The following MDGA2 variants were observed in gnomAD, a reference collection of about 807,000 sequenced individuals.
MDGA2 encodes the protein MAM domain containing glycosylphosphatidylinositol anchor 2, also known as MAM domain-containing glycosylphosphatidylinositol anchor protein 2.
MDGA2 carries 40 observed loss-of-function variants against 117.8 expected under a neutral mutation model. The ratio of observed to expected loss-of-function variants is 0.34; its 90% CI spans 0.26 to 0.44. The LOEUF is 0.44. Among genes scored for constraint, MDGA2 ranks in the 20% least tolerant of loss-of-function variants. The pLI is 1.00. For missense variants in MDGA2, 1,123 were observed against 1,250.6 expected, an observed-to-expected ratio of 0.90 and a Z score of 1.54; for synonymous variants, 452 against 439.0, an observed-to-expected ratio of 1.03 and a Z score of -0.37.
rs532906158 is a variant in MDGA2, at chr14:47,029,764, A to G, written c.1819+5247T>C. Reference sequence around the variant, plus strand: ...ATAAGTGTAAGTATACTTATATAATACAGATATAAAAACAATACTTTCTTT... The same window carrying G: ...ATAAGTGTAAGTATACTTATATAATGCAGATATAAAAACAATACTTTCTTT... On this transcript the variant is annotated intron_variant, in intron 8 of 16. Coordinates refer to ENST00000399232, the MANE Select transcript of MDGA2 (RefSeq NM_001113498.3). Among the ~76,000 whole-genome samples the G allele has an allele frequency of 4.6e-5, 7 of 152,296 alleles. No homozygotes were observed. In the South Asian group the frequency reaches 6.2e-4, roughly 14 times the overall value.
At chr14:47,102,394 AACAC>A (rs1280534726) in intron 5 of MDGA2, among the ~76,000 whole-genome samples, 3 of 128,516 alleles carry the variant, frequency 2.3e-5, no homozygotes, top group Admixed American at 1.6e-4. Flanking sequence ...CACACACACA[AACAC>A]ACACACACAC....
chr14:47,519,874 A>C (rs1894834160), intron 1 of MDGA2, among the ~76,000 whole-genome samples: 1 of 152,214 alleles, frequency 6.6e-6, no homozygotes, highest in Non-Finnish European at 1.5e-5. Context: ...CCCCCATCTC[A>C]GTATTACTTC....
chr14:47,397,123 C>A (rs1892028818), intron 1 of MDGA2, among the ~76,000 whole-genome samples: 1 of 152,136 alleles, frequency 6.6e-6, no homozygotes. Context: ...AAATGTGGCA[C>A]ATATTCACCA....
intron 1 of MDGA2, among the ~76,000 whole-genome samples, chr14:47,597,883 CAA>C (rs1491171121): frequency 2.9e-5 from 4 of 138,052 alleles, no homozygotes; most frequent in African/African-American, 8.2e-5. Flanking sequence ...CACACACACA[CAA>C]AACACAGAGT....
At chr14:47,401,647 C>A (rs1892151745) in intron 1 of MDGA2, among the ~76,000 whole-genome samples, 1 of 152,146 alleles carries the variant, frequency 6.6e-6, no homozygotes, top group Non-Finnish European at 1.5e-5. Context: ...AATTACTGGC[C>A]AACCCATAGC....
At chr14:46,949,609 T>G (rs1566540914) in intron 9 of MDGA2, among the ~76,000 whole-genome samples, 1 of 152,052 alleles carries the variant, frequency 6.6e-6, no homozygotes, top group Non-Finnish European at 1.5e-5. Context: ...ACACTGAGTT[T>G]TGATTTTCTG....
At chr14:47,166,671 T>G (rs2139300408) in intron 3 of MDGA2, among the ~76,000 whole-genome samples, 1 of 152,242 alleles carries the variant, frequency 6.6e-6, no homozygotes, top group East Asian at 1.9e-4. Flanking sequence ...TCTACAAAGC[T>G]TGAAGGAATA....
chr14:47,292,170 C>T (rs1404954465), intron 2 of MDGA2, among the ~76,000 whole-genome samples: 1 of 152,146 alleles, frequency 6.6e-6, no homozygotes, highest in East Asian at 1.9e-4. Context: ...TGAATAGATG[C>T]ATGATGGAGA....
In MDGA2 at chr14:47,042,020, T is replaced by C. The variant is rs539892092; in HGVS notation, c.1526-6716A>G. ...AATATAATTTTCTTCCAAAAGACAATCAGACTCATATTTCCAAGAATCTTA... is the reference window on the plus strand; with the variant it reads ...AATATAATTTTCTTCCAAAAGACAACCAGACTCATATTTCCAAGAATCTTA... On this transcript the variant is annotated intron_variant, in intron 7 of 16. Coordinates refer to ENST00000399232, the MANE Select transcript of MDGA2 (RefSeq NM_001113498.3). 2.0e-5 allele frequency among the ~76,000 whole-genome samples: 3 copies of C among 152,184 alleles called. No individual in the cohort carries two copies. In the South Asian group the frequency reaches 6.2e-4, roughly 32 times the overall value.
intron 1 of MDGA2, among the ~76,000 whole-genome samples, chr14:47,560,030 T>C (rs941991894): frequency 1.3e-5 from 2 of 152,046 alleles, no homozygotes. Context: ...TGAATAAGTG[T>C]TCCCTTTTCT....
chr14:47,177,040 C>G (rs1040158305), intron 3 of MDGA2, among the ~76,000 whole-genome samples: 3 of 151,444 alleles, frequency 2.0e-5, no homozygotes, highest in Non-Finnish European at 4.4e-5. Flanking sequence ...AGCCAAAAAA[C>G]ACATGAAAAA....
intron 2 of MDGA2, among the ~76,000 whole-genome samples, chr14:47,260,939 T>C (rs890756616): frequency 6.6e-6 from 1 of 152,084 alleles, no homozygotes; most frequent in Non-Finnish European, 1.5e-5. Context: ...GGCTTTAATA[T>C]CAGTTACTAT....
chr14:47,439,021 A>G (rs770595926), intron 1 of MDGA2, among the ~76,000 whole-genome samples: 21 of 152,130 alleles, frequency 1.4e-4, no homozygotes, highest in African/African-American at 4.8e-5. Flanking sequence ...TCACTAGCAA[A>G]TAATCTGCAG....
rs1226420098 is a variant in MDGA2 at position 47,626,650 on chromosome 14, A to C, written c.280+47867T>G. 3 of 152,624 alleles carry C rather than the reference A, an allele frequency of 2.0e-5. No homozygotes were observed. In the East Asian group the frequency reaches 5.8e-4, roughly 29 times the overall value. 9.5% of individuals were successfully genotyped at this position (152,624 alleles called of 1,614,324 possible). On this transcript the variant is annotated intron_variant, in intron 1 of 16. Coordinates refer to ENST00000399232, the MANE Select transcript of MDGA2 (RefSeq NM_001113498.3). Reference sequence around the variant, plus strand: ...TGGCCTTGGCGGGCCCCGCACTGGGAGCGGCCGGCCAGCCCCGTCGGCCCG... The same window carrying C: ...TGGCCTTGGCGGGCCCCGCACTGGGCGCGGCCGGCCAGCCCCGTCGGCCCG...
chr14:47,617,309 G>C (rs1329687518), intron 1 of MDGA2, among the ~76,000 whole-genome samples: 1 of 151,700 alleles, frequency 6.6e-6, no homozygotes, highest in African/African-American at 2.4e-5. Flanking sequence ...AGGTTCAAGC[G>C]ATTCTCTGCC....
At chr14:46,938,540 C>CAAAAAAAAAAAAAAAAAA (rs71112472) in intron 9 of MDGA2, among the ~76,000 whole-genome samples, 395 of 26,924 alleles carry the variant, frequency 0.015, 43 homozygotes, top group East Asian at 0.02. Context: ...AAATCCATCT[C>CAAAAAAAAAAAAAAAAAA]AAAAAAAAAA....
intron 1 of MDGA2, among the ~76,000 whole-genome samples, chr14:47,654,261 C>T (rs1048516816): frequency 3.3e-5 from 5 of 152,070 alleles, no homozygotes; most frequent in African/African-American, 1.2e-4. Flanking sequence ...CTAGAGATAA[C>T]AAAATCTAGT....
Position 46,977,895 on chromosome 14 carries a change from G to A in MDGA2, c.1820-20252C>T, listed in dbSNP as rs1190125402. Among the ~76,000 whole-genome samples the A allele has an allele frequency of 8.6e-5, 13 of 151,866 alleles. No individual in the cohort carries two copies. The East Asian group carries it at 2.3e-3, about 27-fold the overall frequency. On this transcript the variant is annotated intron_variant, in intron 8 of 16. Transcript: ENST00000399232. ...AGGCTCATCTTAGGCCAAAAAAGTA[G>A]ATAATGTGTTGCTTTAGTCTCAGTA...
intron 1 of MDGA2, among the ~76,000 whole-genome samples, chr14:47,383,883 T>C (rs1891693041): frequency 6.6e-6 from 1 of 152,090 alleles, no homozygotes; most frequent in Non-Finnish European, 1.5e-5. Flanking sequence ...GTTATGACGA[T>C]TTTGATCATG....
Sources: allele counts gnomAD v4.1 joint callset (sites outside exome capture counted in the v4.1 genomes callset), GRCh38; gene constraint gnomAD v4.1.1; transcripts MANE v1.5; gene names NCBI Gene and HGNC (gene_info 2026-07-23, HGNC 2026-07-21).